A2M: variants seen among roughly 807,000 people sequenced by gnomAD.
A2M encodes C3 and PZP-like alpha-2-macroglobulin domain-containing protein 5.
In A2M, 128 loss-of-function variants were observed where a neutral mutation model predicts 183.9. That is an observed-to-expected ratio of 0.70 (90% confidence interval 0.60 to 0.81). A2M has a LOEUF of 0.81. Ranked by LOEUF, A2M falls within the 30% of genes least tolerant of loss-of-function variation. The probability of loss-of-function intolerance (pLI) is 0.00; values close to 1 mark genes in which losing one functional copy is unlikely to be tolerated. For missense variants in A2M, 1,495 were observed against 1,787.6 expected, an observed-to-expected ratio of 0.84 and a Z score of 2.95; for synonymous variants, 592 against 670.8, an observed-to-expected ratio of 0.88 and a Z score of 1.81.
intron 8 of A2M, 104 bp from the exon 9 acceptor site, chr12:9,106,709 A>C: frequency 1.8e-6 from 1 of 551,158 alleles, no homozygotes; most frequent in Admixed American, 3.1e-5. Flanking sequence ...AACATCATGT[A>C]GGCATTTTCT....
intron 27 of A2M, 36 bp from the exon 28 acceptor site, chr12:9,076,972 T>G: frequency 6.6e-7 from 1 of 1,513,810 alleles, no homozygotes; most frequent in Non-Finnish European, 8.8e-7. Context: ...CTAAGCTATG[T>G]AAACAGGCAT....
chr12:9,111,987 C>G (rs1938761739), intron 4 of A2M, 172 bp downstream of exon 4: 2 of 782,294 alleles, frequency 2.6e-6, no homozygotes, highest in East Asian at 2.5e-5. Flanking sequence ...GAATTACCTA[C>G]TTTCTTTACC....
intron 22 of A2M, among the ~76,000 whole-genome samples, chr12:9,080,750 C>T (rs971520377): frequency 2.0e-5 from 3 of 152,070 alleles, no homozygotes; most frequent in Admixed American, 2.0e-4. Flanking sequence ...AATTACTACT[C>T]ATGAACATAC....
intron 15 of A2M, among the ~76,000 whole-genome samples, chr12:9,096,908 C>T (rs1233587681): frequency 6.6e-6 from 1 of 152,152 alleles, no homozygotes; most frequent in African/African-American, 2.4e-5. Context: ...ATACCTAGAA[C>T]ACAGTGGGCA....
intron 22 of A2M, among the ~76,000 whole-genome samples, chr12:9,082,050 C>G (rs901209216): frequency 6.6e-6 from 1 of 152,176 alleles, no homozygotes; most frequent in South Asian, 2.1e-4. Flanking sequence ...GTGACCCCAC[C>G]CAGGTAGCAG....
Position 9,068,829 on chromosome 12 carries a change from G to A in A2M, c.4277C>T (p.Thr1426Ile). ...LIYLDKVSNQ[T>I]LSLFFTVLQD... The stretch of plus-strand genomic sequence containing the variant: ...CAGAACCGTGAAGAACAAGCTCAGT[G>A]TCTGATTTGACACCTGGAAAGCAAA... The change falls in exon 34 of 36, where the codon ACA (threonine) becomes ATA (isoleucine). Residue 1426 changes from threonine (T) to isoleucine (I), a missense_variant. Transcript: ENST00000318602. 6.3e-7 allele frequency: 1 copy of A among 1,598,652 alleles called. No individual in the cohort carries two copies.
intron 22 of A2M, among the ~76,000 whole-genome samples, chr12:9,085,058 A>T (rs1949015019): frequency 6.6e-6 from 1 of 152,166 alleles, no homozygotes; most frequent in Non-Finnish European, 1.5e-5. Flanking sequence ...GAAGGGAGAG[A>T]TATGTTGCAA....
chr12:9,077,387 A>G lies in A2M; in HGVS notation c.3310T>C (p.Tyr1104His). ...ATCTCCAGAAGGGCGATGGTGATAT[A>G]GGCGGAGAGGGTCACTTCATCTTCT... ...GVEDEVTLSA[Y>H]ITIALLEIPL... The change falls in exon 27 of 36, where the codon TAT becomes CAT. Residue 1104 changes from tyrosine to histidine, a missense_variant. Coordinates refer to ENST00000318602, the MANE Select transcript of A2M (RefSeq NM_000014.6). The G allele has an allele frequency of 6.2e-7, 1 of 1,613,650 alleles. No individual in the cohort carries two copies. The highest frequency in any genetic ancestry group is 1.1e-5 in the South Asian group (1 of 90,882).
At chr12:9,108,775 C>CA (rs34042668) in intron 7 of A2M, among the ~76,000 whole-genome samples, 85,211 of 151,960 alleles carry the variant, frequency 0.56, 25,499 homozygotes, top group African/African-American at 0.76. Context: ...TCAGTCTCTT[C>CA]GTAAAAATGT....
intron 17 of A2M, 149 bp from the exon 18 acceptor site, chr12:9,093,728 G>A: frequency 2.0e-6 from 1 of 497,096 alleles, no homozygotes; most frequent in Non-Finnish European, 3.4e-6. Flanking sequence ...GGTCATCAAG[G>A]AAAGCTTCTT....
At chr12:9,088,266 T>TA (rs1949107285) in intron 22 of A2M, among the ~76,000 whole-genome samples, 1 of 151,046 alleles carries the variant, frequency 6.6e-6, no homozygotes, top group Admixed American at 6.6e-5. Context: ...TTTTTTTTTT[T>TA]AAAGAAGAAT....
intron 15 of A2M, among the ~76,000 whole-genome samples, chr12:9,096,799 G>T (rs938615340): frequency 2.6e-5 from 4 of 151,974 alleles, no homozygotes; most frequent in African/African-American, 9.7e-5. Context: ...CATAATTATT[G>T]TCTGTCTCAT....
At position 9,104,473 on chromosome 12, in the gene A2M, T is replaced by C. The variant is rs1347862857; in HGVS notation, c.1105-73A>G. 3 of 1,451,456 alleles carry C rather than the reference T, an allele frequency of 2.1e-6. No individual in the cohort carries two copies. In the African/African-American group the frequency reaches 4.3e-5, roughly 21 times the overall value. 89.9% of individuals were successfully genotyped at this position (1,451,456 alleles called of 1,614,324 possible). ...GCACCAAACATATTCATTTATCACATTTTTTAGTGCCTCCTCTATGTTGAA... is the reference window on the plus strand; with the variant it reads ...GCACCAAACATATTCATTTATCACACTTTTTAGTGCCTCCTCTATGTTGAA... On this transcript the variant is annotated intron_variant, in intron 10 of 35. Transcript: ENST00000318602.
At position 9,090,363 on chromosome 12, in the gene A2M, C is replaced by T. The variant is rs760144171; in HGVS notation, c.2589G>A (p.Lys863=). The change falls in exon 20 of 36, where the codon AAG becomes AAA. Residue 863 remains lysine, a synonymous_variant. Coordinates refer to ENST00000318602, the MANE Select transcript of A2M (RefSeq NM_000014.6). ...TAGCAGTTTTTTGCTCACCTAATGACTTTGGGGTTACTGCCCAGGACACAG... is the reference window on the plus strand; with the variant it reads ...TAGCAGTTTTTTGCTCACCTAATGATTTTGGGGTTACTGCCCAGGACACAG... ...RQTVSWAVTP[K]SLGNVNFTVS... is the part of the protein sequence containing the mutation. 8 of 1,613,882 alleles carry T rather than the reference C, an allele frequency of 5.0e-6. No individual in the cohort carries two copies. Among genetic ancestry groups the T allele is most frequent in the Non-Finnish European group, 6.8e-6 (8 of 1,179,894 alleles).
Position 9,109,792 on chromosome 12 carries a change from A to G in A2M, c.673+75T>C, listed in dbSNP as rs1801823444. 5 of 1,418,168 alleles carry G rather than the reference A, an allele frequency of 3.5e-6. No individual in the cohort carries two copies. The African/African-American group carries it at 5.7e-5, about 16-fold the overall frequency. The allele number at this position is 1,418,168 out of a possible 1,614,324, so 87.8% of individuals were successfully genotyped here. ...CCCATGGGAAATGGAAAGACTCCAA[A>G]TGAACTTAAATTCCAGGACCTAAGA... On this transcript the variant is annotated intron_variant, in intron 6 of 35. Transcript: ENST00000318602.
chr12:9,105,487 C>T (rs1038144152), intron 10 of A2M, among the ~76,000 whole-genome samples: 4 of 152,168 alleles, frequency 2.6e-5, no homozygotes, highest in African/African-American at 9.7e-5. Context: ...CTTTTACACC[C>T]TTCATAGCTG....
upstream of A2M, chr12:9,116,070 G>C: frequency 1.9e-6 from 1 of 536,454 alleles, no homozygotes; most frequent in Non-Finnish European, 3.5e-6. Flanking sequence ...AATTCCTGGC[G>C]GGCTAAATAG....
Position 9,093,485 on chromosome 12 carries a change from G to C in A2M, c.2220C>G (p.Ile740Met). 1 of 1,613,814 alleles carries C rather than the reference G, an allele frequency of 6.2e-7. No individual in the cohort carries two copies. Among genetic ancestry groups the C allele is most frequent in the Non-Finnish European group, 8.5e-7 (1 of 1,179,770 alleles). Residue 740 changes from isoleucine to methionine, a missense_variant, in exon 18 of 36, where the codon ATC becomes ATG. By Grantham distance (10) the Ile-to-Met change is conservative. Coordinates refer to ENST00000318602, the MANE Select transcript of A2M (RefSeq NM_000014.6). ...CTTACTTTACCACCACCAAATCCCA[G>C]ATCCATGTCTCAGGGAAGTACTTTC... Reference protein sequence around the residue: ...TVRKYFPETWIWDLVVVNSAG... With the variant: ...TVRKYFPETWMWDLVVVNSAG...
intron 31 of A2M, among the ~76,000 whole-genome samples, chr12:9,071,466 C>T (rs909237995): frequency 8.6e-5 from 13 of 152,002 alleles, no homozygotes; most frequent in African/African-American, 2.9e-4. Flanking sequence ...TAGGTTCAGG[C>T]GTACACATGC....
Sources: allele counts gnomAD v4.1 joint callset (sites outside exome capture counted in the v4.1 genomes callset), GRCh38; gene constraint gnomAD v4.1.1; transcripts MANE v1.5; gene names NCBI Gene and HGNC (gene_info 2026-07-23, HGNC 2026-07-21).